MYO1D: variants seen among roughly 807,000 people sequenced by gnomAD.
The protein encoded by MYO1D is myosin ID, also known as unconventional myosin-Id.
A neutral mutation model predicts 122.0 loss-of-function variants in MYO1D; 83 were observed. That is an observed-to-expected ratio of 0.68 (90% CI 0.57 to 0.82). The LOEUF (loss-of-function observed/expected upper bound fraction) is 0.82. Ranked by LOEUF, MYO1D falls within the 40% of genes least tolerant of loss-of-function variation. The pLI, the probability that MYO1D is intolerant of heterozygous loss-of-function variation, is 0.00. For synonymous variants in MYO1D, 464 were observed against 446.9 expected (o/e 1.04, Z -0.48); for missense variants, 1,157 against 1,269.5 (o/e 0.91, Z 1.35).
At position 32,796,678 on chromosome 17, in the gene MYO1D, T is replaced by C. The variant is rs184774823; in HGVS notation, c.96-15894A>G. Among the ~76,000 whole-genome samples, 361 of 152,300 alleles carry C rather than the reference T, an allele frequency of 2.4e-3. 2 individuals are homozygous for C. Among genetic ancestry groups the C allele is most frequent in the Non-Finnish European group, 4.1e-3 (279 of 68,016 alleles). ...ATCTGCTGGCCTCAGCCTTCCAAAG[T>C]GTTGGGATTACAGGTGTGAGCCACC... On this transcript the variant is annotated intron_variant, in intron 1 of 21. Coordinates refer to ENST00000318217, the MANE Select transcript of MYO1D (RefSeq NM_015194.3).
intron 1 of MYO1D, among the ~76,000 whole-genome samples, chr17:32,820,743 GTAAC>G (rs2090654112): frequency 6.6e-6 from 1 of 152,170 alleles, no homozygotes; most frequent in Non-Finnish European, 1.5e-5. Context: ...ACACAAAAGA[GTAAC>G]TATATAAGGT....
At chr17:32,598,834 T>C (rs1331936244) in intron 21 of MYO1D, among the ~76,000 whole-genome samples, 14 of 152,174 alleles carry the variant, frequency 9.2e-5, no homozygotes, top group East Asian at 1.9e-4. Context: ...GAGAAGCCGG[T>C]TGAATGTTCA....
chr17:32,802,169 C>T (rs908887525), intron 1 of MYO1D, among the ~76,000 whole-genome samples: 1 of 152,178 alleles, frequency 6.6e-6, no homozygotes, highest in East Asian at 1.9e-4. Flanking sequence ...CAAGTCTGTG[C>T]TCTTCTGACA....
intron 16 of MYO1D, among the ~76,000 whole-genome samples, chr17:32,678,828 T>C (rs983127616): frequency 1.9e-4 from 28 of 150,854 alleles, no homozygotes; most frequent in South Asian, 4.2e-4. Context: ...CCTGAGGAAT[T>C]GCCACACTGA....
intron 21 of MYO1D, among the ~76,000 whole-genome samples, chr17:32,596,419 C>T (rs1475313240): frequency 6.6e-6 from 1 of 152,060 alleles, no homozygotes; most frequent in Non-Finnish European, 1.5e-5. Flanking sequence ...CCATCCTCTG[C>T]CTCCTTCACC....
intron 16 of MYO1D, among the ~76,000 whole-genome samples, chr17:32,681,291 T>C (rs1298315925): frequency 1.4e-5 from 2 of 147,276 alleles, no homozygotes. Flanking sequence ...TGCCTTCTGC[T>C]AGCTTTTGAA....
intron 21 of MYO1D, among the ~76,000 whole-genome samples, chr17:32,562,855 G>A (rs796417403): frequency 3.9e-5 from 6 of 152,226 alleles, no homozygotes; most frequent in African/African-American, 1.4e-4. Context: ...AATTCTAAAT[G>A]TACAACATAA....
At chr17:32,584,931 C>G (rs910316172) in intron 21 of MYO1D, among the ~76,000 whole-genome samples, 1 of 152,168 alleles carries the variant, frequency 6.6e-6, no homozygotes, top group Non-Finnish European at 1.5e-5. Flanking sequence ...GACTGGAAGC[C>G]ACATTGTCTG....
intron 1 of MYO1D, among the ~76,000 whole-genome samples, chr17:32,873,580 T>C (rs1006627280): frequency 1.3e-5 from 2 of 152,110 alleles, no homozygotes; most frequent in African/African-American, 4.8e-5. Context: ...TACGCAGTGG[T>C]GGGTTTCTGG....
intron 21 of MYO1D, among the ~76,000 whole-genome samples, chr17:32,544,188 C>T (rs911314526): frequency 5.3e-5 from 8 of 151,458 alleles, no homozygotes; most frequent in Admixed American, 2.6e-4. Flanking sequence ...CTTGACCTCC[C>T]GCACTCAGGT....
chr17:32,593,278 GA>G (rs1406444388), intron 21 of MYO1D, among the ~76,000 whole-genome samples: 1 of 152,216 alleles, frequency 6.6e-6, no homozygotes, highest in Non-Finnish European at 1.5e-5. Context: ...ACAGGAGAGT[GA>G]ACCTGGCAAG....
Position 32,645,826 on chromosome 17 carries a change from A to G in MYO1D, c.2596-6991T>C, listed in dbSNP as rs1031084346. Among the ~76,000 whole-genome samples the G allele has an allele frequency of 6.6e-5, 10 of 152,042 alleles. 1 individual carries two copies. The highest frequency in any genetic ancestry group is 2.4e-4 in the African/African-American group (10 of 41,378). Reference sequence around the variant, plus strand: ...CATCTAATCTTTTTTCAAGGTTTTTAACTTCTTTGTGATGGGTTCGAACTT... The same window carrying G: ...CATCTAATCTTTTTTCAAGGTTTTTGACTTCTTTGTGATGGGTTCGAACTT... On this transcript the variant is annotated intron_variant, in intron 19 of 21. Transcript: ENST00000318217.
intron 21 of MYO1D, among the ~76,000 whole-genome samples, chr17:32,552,432 C>CCATCCATCCATCCATTCATCCATCCATT (rs2087025597): frequency 6.6e-6 from 1 of 151,342 alleles, no homozygotes; most frequent in Non-Finnish European, 1.5e-5. Context: ...ATCCATCCAT[C>CCATCCATCCATCCATTCATCCATCCATT]CATCCATCCA....
intron 15 of MYO1D, among the ~76,000 whole-genome samples, chr17:32,717,729 C>T (rs80155999): frequency 2.6e-5 from 4 of 152,164 alleles, no homozygotes; most frequent in Non-Finnish European, 4.4e-5. Flanking sequence ...CAGATGTCAG[C>T]GTGATTCTCA....
At chr17:32,647,232 G>A (rs191166949) in intron 19 of MYO1D, among the ~76,000 whole-genome samples, 497 of 152,290 alleles carry the variant, frequency 3.3e-3, no homozygotes, top group Admixed American at 7.1e-3. Flanking sequence ...TTTATAATGT[G>A]GTTAATGGAA....
At chr17:32,747,629 G>A (rs1395131881) in intron 12 of MYO1D, among the ~76,000 whole-genome samples, 1 of 152,072 alleles carries the variant, frequency 6.6e-6, no homozygotes, top group East Asian at 1.9e-4. Context: ...TTGAGGTCAG[G>A]AGTTCGAAAC....
chr17:32,521,953 G>A (rs950565100), intron 21 of MYO1D, among the ~76,000 whole-genome samples: 17 of 151,842 alleles, frequency 1.1e-4, no homozygotes, highest in Non-Finnish European at 2.2e-4. Context: ...GCAGTGGCAG[G>A]CGCCTGTAAT....
chr17:32,550,161 G>A (rs1469204530), intron 21 of MYO1D, among the ~76,000 whole-genome samples: 3 of 150,712 alleles, frequency 2.0e-5, no homozygotes, highest in Admixed American at 2.0e-4. Context: ...GGGCAGCGGT[G>A]TAATCTCAGC....
chr17:32,819,196 T>C (rs889681934), intron 1 of MYO1D, among the ~76,000 whole-genome samples: 6 of 152,042 alleles, frequency 3.9e-5, no homozygotes, highest in East Asian at 3.8e-4. Context: ...CATGTAGAAG[T>C]TGGTTTCAAG....
Sources: gnomAD v4.1 joint callset for allele counts (sites outside exome capture counted in the v4.1 genomes callset) on GRCh38, gnomAD v4.1.1 for gene constraint, MANE v1.5 for transcripts, NCBI Gene and HGNC (gene_info 2026-07-23, HGNC 2026-07-21) for gene names.